Variants in MPP7 observed in about 807,000 individuals in gnomAD.
The protein encoded by MPP7 is MAGUK p55 scaffold protein 7, also known as MAGUK p55 subfamily member 7.
Under a neutral mutation model 76.5 loss-of-function variants are expected in MPP7, and 60 were observed. The observed-to-expected ratio is 0.78, with a 90% CI of 0.64 to 0.97. MPP7 has a LOEUF of 0.97. Ranked by LOEUF, MPP7 falls within the 50% of genes least tolerant of loss-of-function variation. The probability of loss-of-function intolerance (pLI) is 0.00; values close to 1 mark genes in which losing one functional copy is unlikely to be tolerated. For missense variants in MPP7, 641 were observed against 694.0 expected (o/e 0.92, Z 0.86); for synonymous variants, 237 against 244.5 (o/e 0.97, Z 0.29).
intron 2 of MPP7, among the ~76,000 whole-genome samples, chr10:28,323,800 G>A (rs1223371709): frequency 6.6e-6 from 1 of 152,212 alleles, no homozygotes; most frequent in East Asian, 1.9e-4. Context: ...GAGCTTGATG[G>A]TTTGGATGCC....
intron 5 of MPP7, among the ~76,000 whole-genome samples, chr10:28,138,348 C>T (rs546581814): frequency 6.6e-6 from 1 of 152,266 alleles, no homozygotes; most frequent in South Asian, 2.1e-4. Context: ...TCCATCAATG[C>T]CCCTAAATGC....
intron 2 of MPP7, among the ~76,000 whole-genome samples, chr10:28,203,612 T>C (rs1837854853): frequency 6.6e-6 from 1 of 152,212 alleles, no homozygotes. Context: ...ATTTACAGTT[T>C]AGTAAAATTA....
chr10:28,260,155 T>G (rs1017598995), intron 1 of MPP7, among the ~76,000 whole-genome samples: 3 of 152,222 alleles, frequency 2.0e-5, no homozygotes, highest in Non-Finnish European at 4.4e-5. Context: ...TACAATAATT[T>G]TATGGCATTA....
intron 11 of MPP7, among the ~76,000 whole-genome samples, chr10:28,104,774 G>A (rs1258321006): frequency 6.6e-6 from 1 of 151,904 alleles, no homozygotes; most frequent in African/African-American, 2.4e-5. Flanking sequence ...TATACCGTAT[G>A]ACTCTCTTCT....
At chr10:28,147,419 C>T in intron 5 of MPP7, 64 bp downstream of exon 5, 6 of 1,297,710 alleles carry the variant, frequency 4.6e-6, no homozygotes, top group Non-Finnish European at 6.7e-6. Context: ...AAACAAAATT[C>T]ATCTGAAGGC....
chr10:28,079,978 C>T (rs1852682163), intron 12 of MPP7, among the ~76,000 whole-genome samples: 1 of 143,732 alleles, frequency 7.0e-6, no homozygotes. Context: ...AAAAATTAGC[C>T]AGGTGTGGTG....
chr10:28,057,955 C>A, intron 15 of MPP7: 3 of 980,548 alleles, frequency 3.1e-6, no homozygotes, highest in Non-Finnish European at 3.9e-6. Context: ...TCAGAATGTT[C>A]ATAATGGAGT....
At chr10:28,115,260 G>A (rs1433740292) in intron 11 of MPP7, among the ~76,000 whole-genome samples, 3 of 151,916 alleles carry the variant, frequency 2.0e-5, no homozygotes, top group Non-Finnish European at 2.9e-5. Flanking sequence ...GTGCCACCAC[G>A]CCTGGCTAAT....
chr10:28,061,351 C>T (rs1851777436), intron 13 of MPP7, among the ~76,000 whole-genome samples: 3 of 151,224 alleles, frequency 2.0e-5, no homozygotes, highest in African/African-American at 4.9e-5. Context: ...AGAACAGAAA[C>T]TATAAAGAAA....
chr10:28,194,039 G>A (rs1435886017), intron 3 of MPP7, among the ~76,000 whole-genome samples: 3 of 152,154 alleles, frequency 2.0e-5, no homozygotes, highest in Admixed American at 2.0e-4. Context: ...TTTTGAAACA[G>A]AGTCTCACTC....
chr10:28,117,077 ACCAT>A, intron 11 of MPP7, among the ~76,000 whole-genome samples: 1 of 152,082 alleles, frequency 6.6e-6, no homozygotes, highest in African/African-American at 2.4e-5. Context: ...TAGTTCCAGA[ACCAT>A]CTTCCATGAA....
intron 11 of MPP7, among the ~76,000 whole-genome samples, chr10:28,093,705 C>T (rs1853429595): frequency 6.6e-6 from 1 of 152,156 alleles, no homozygotes; most frequent in Non-Finnish European, 1.5e-5. Context: ...CCTTGGCCTC[C>T]CAAAGTGCTG....
Position 28,085,509 on chromosome 10 carries a change from C to A in MPP7, c.1123+4162G>T, listed in dbSNP as rs146661118. On this transcript the variant is annotated intron_variant, in intron 12 of 16. Coordinates refer to ENST00000683449, the MANE Select transcript of MPP7 (RefSeq NM_001318170.2). Reference sequence around the variant, plus strand: ...AGTTAGATCTTAGTAGCAGAGAAACCTAAGAAGTTCAAACAGATATTTTGG... The same window carrying A: ...AGTTAGATCTTAGTAGCAGAGAAACATAAGAAGTTCAAACAGATATTTTGG... 7.9e-3 allele frequency among the ~76,000 whole-genome samples: 1,204 copies of A among 152,210 alleles called. 63 individuals carry two copies. Among genetic ancestry groups the A allele is most frequent in the Admixed American group, 0.072 (1,100 of 15,288 alleles).
intron 1 of MPP7, among the ~76,000 whole-genome samples, chr10:28,243,166 T>C (rs1044706038): frequency 1.3e-5 from 2 of 152,020 alleles, no homozygotes; most frequent in Admixed American, 6.6e-5. Context: ...TGAAGATAAA[T>C]AGAGTCCATA....
upstream of MPP7, among the ~76,000 whole-genome samples, chr10:28,304,390 T>C (rs1431904885): frequency 1.3e-5 from 2 of 152,070 alleles, no homozygotes; most frequent in African/African-American, 4.8e-5. Context: ...AAAATGGAGA[T>C]AGACAAAAAG....
intron 1 of MPP7, among the ~76,000 whole-genome samples, chr10:28,278,201 T>C (rs1012522295): frequency 6.6e-6 from 1 of 152,098 alleles, no homozygotes; most frequent in Admixed American, 6.5e-5. Context: ...GTTCCCAAAG[T>C]GGCCCTAGCA....
At chr10:28,165,194 C>T (rs1017253008) in intron 3 of MPP7, among the ~76,000 whole-genome samples, 2 of 152,116 alleles carry the variant, frequency 1.3e-5, no homozygotes, top group African/African-American at 4.8e-5. Flanking sequence ...GACTATGTTA[C>T]CTCACATGGT....
chr10:28,150,661 G>A (rs1015832124), intron 3 of MPP7, among the ~76,000 whole-genome samples: 44 of 151,980 alleles, frequency 2.9e-4, no homozygotes, highest in African/African-American at 9.6e-4. Flanking sequence ...AAATTTCTAA[G>A]AAACGAAGGG....
chr10:28,097,956 A>G (rs866874981), intron 11 of MPP7, among the ~76,000 whole-genome samples: 3 of 152,178 alleles, frequency 2.0e-5, no homozygotes, highest in Admixed American at 6.5e-5. Context: ...CTTAAGTAAA[A>G]AATTTTAAAA....
Sources: allele counts gnomAD v4.1 joint callset (sites outside exome capture counted in the v4.1 genomes callset), GRCh38; gene constraint gnomAD v4.1.1; transcripts MANE v1.5; gene names NCBI Gene and HGNC (gene_info 2026-07-23, HGNC 2026-07-21).